The following RCAN2 variants were observed in gnomAD, a reference collection of about 807,000 sequenced individuals.
The protein encoded by RCAN2 is calcipressin-2.
Under a neutral mutation model 23.6 loss-of-function variants are expected in RCAN2, and 9 were observed. That is an observed-to-expected ratio of 0.38 (90% confidence interval 0.23 to 0.67). The LOEUF is 0.67. RCAN2 is among the 30% of genes least tolerant of loss of function. RCAN2 has a pLI of 0.51. For missense variants in RCAN2, 273 were observed against 302.3 expected, an observed-to-expected ratio of 0.90 and a Z score of 0.72; for synonymous variants, 109 against 115.7, an observed-to-expected ratio of 0.94 and a Z score of 0.37.
At chr6:46,291,733 G>C (rs1166723000) in intron 2 of RCAN2, among the ~76,000 whole-genome samples, 1 of 151,594 alleles carries the variant, frequency 6.6e-6, no homozygotes, top group Non-Finnish European at 1.5e-5. Context: ...GCCTAACTTG[G>C]CTAGGACTTC....
chr6:46,338,873 G>A (rs987983672), intron 2 of RCAN2, among the ~76,000 whole-genome samples: 1 of 151,814 alleles, frequency 6.6e-6, no homozygotes, highest in African/African-American at 2.4e-5. Flanking sequence ...AAAATAGCCG[G>A]GTATGGTGAT....
At chr6:46,475,994 G>C (rs902788699) in intron 1 of RCAN2, among the ~76,000 whole-genome samples, 2 of 152,172 alleles carry the variant, frequency 1.3e-5, no homozygotes, top group African/African-American at 4.8e-5. Flanking sequence ...CATGTAGGTG[G>C]ACTAAGTAAC....
intron 4 of RCAN2, among the ~76,000 whole-genome samples, chr6:46,230,730 G>A (rs1343735710): frequency 1.3e-5 from 2 of 152,218 alleles, no homozygotes; most frequent in Non-Finnish European, 2.9e-5. Flanking sequence ...CTTCCTGGGT[G>A]AGGTGATGCC....
At chr6:46,383,506 A>T (rs1358912535) in intron 2 of RCAN2, among the ~76,000 whole-genome samples, 1 of 152,194 alleles carries the variant, frequency 6.6e-6, no homozygotes, top group East Asian at 1.9e-4. Flanking sequence ...AATTCTAGTC[A>T]TCTGGATAGT....
At chr6:46,411,101 C>A (rs1241199807) in intron 2 of RCAN2, among the ~76,000 whole-genome samples, 1 of 152,022 alleles carries the variant, frequency 6.6e-6, no homozygotes, top group Non-Finnish European at 1.5e-5. Flanking sequence ...ATAGAATAGC[C>A]GATAGCATAT....
In RCAN2 at chr6:46,304,754, G is replaced by A. The variant is rs994669209; in HGVS notation, c.226-55858C>T. 2.6e-5 allele frequency among the ~76,000 whole-genome samples: 4 copies of A among 152,116 alleles called. No individual in the cohort carries two copies. The East Asian group carries it at 7.8e-4, about 29-fold the overall frequency. ...AAGGACTTACAATTGGGGTAGGCAG[G>A]GGAATTTTTTCTTGAGACAAAATAA... is the stretch of plus-strand genomic sequence containing the variant. On this transcript the variant is annotated intron_variant, in intron 2 of 4. Coordinates refer to ENST00000371374, the MANE Select transcript of RCAN2 (RefSeq NM_001251974.2).
intron 2 of RCAN2, among the ~76,000 whole-genome samples, chr6:46,273,451 C>G (rs1767582522): frequency 6.6e-6 from 1 of 152,170 alleles, no homozygotes; most frequent in Non-Finnish European, 1.5e-5. Flanking sequence ...CATTGATGTT[C>G]ATAACCCTCT....
intron 2 of RCAN2, among the ~76,000 whole-genome samples, chr6:46,277,593 T>A (rs1767758087): frequency 6.6e-6 from 1 of 151,632 alleles, no homozygotes. Flanking sequence ...TTAAAACTTT[T>A]TTTTTTTATA....
At chr6:46,451,339 C>A (rs1212615750) in intron 2 of RCAN2, among the ~76,000 whole-genome samples, 2 of 152,036 alleles carry the variant, frequency 1.3e-5, no homozygotes, top group Non-Finnish European at 2.9e-5. Flanking sequence ...CGGGGGCAGC[C>A]CCTAGTAATT....
intron 2 of RCAN2, among the ~76,000 whole-genome samples, chr6:46,264,657 A>G (rs1767259131): frequency 6.6e-6 from 1 of 152,232 alleles, no homozygotes; most frequent in African/African-American, 2.4e-5. Context: ...GACCTGAAGG[A>G]AAGCATTTCC....
intron 2 of RCAN2, among the ~76,000 whole-genome samples, chr6:46,445,735 T>C (rs957162187): frequency 5.3e-5 from 8 of 152,090 alleles, no homozygotes; most frequent in Admixed American, 2.6e-4. Flanking sequence ...GTTGAATTAT[T>C]AAAAAAATTC....
chr6:46,359,794 G>T lies in RCAN2; in HGVS notation c.225+96958C>A, dbSNP rs1051211999. ...CTATCAATGAATATATCCTGTTTGT[G>T]TGATCATATCTCGTTTAATTTTCAC... On this transcript the variant is annotated intron_variant, in intron 2 of 4. Coordinates refer to ENST00000371374, the MANE Select transcript of RCAN2 (RefSeq NM_001251974.2). Among the ~76,000 whole-genome samples, 145 of 152,112 alleles carry T rather than the reference G, an allele frequency of 9.5e-4. 2 individuals carry two copies. Among genetic ancestry groups the T allele is most frequent in the Admixed American group, 8.3e-3 (127 of 15,262 alleles).
chr6:46,404,591 A>C (rs535247803), intron 2 of RCAN2, among the ~76,000 whole-genome samples: 37 of 152,372 alleles, frequency 2.4e-4, no homozygotes, highest in Admixed American at 5.9e-4. Flanking sequence ...TATATCTTTA[A>C]TATAGCCTAG....
At chr6:46,269,289 AC>A (rs1767444673) in intron 2 of RCAN2, among the ~76,000 whole-genome samples, 1 of 152,058 alleles carries the variant, frequency 6.6e-6, no homozygotes, top group South Asian at 2.1e-4. Flanking sequence ...CAGATCATTA[AC>A]TTATTCTTCA....
chr6:46,308,038 G>A (rs937061857), intron 2 of RCAN2, among the ~76,000 whole-genome samples: 3 of 152,164 alleles, frequency 2.0e-5, no homozygotes, highest in African/African-American at 7.2e-5. Context: ...AGGCATCAGG[G>A]CAAAGATGCT....
intron 4 of RCAN2, among the ~76,000 whole-genome samples, chr6:46,237,337 T>A (rs1766137695): frequency 6.6e-6 from 1 of 152,214 alleles, no homozygotes; most frequent in African/African-American, 2.4e-5. Context: ...AGACTATAAA[T>A]TATAAACTGA....
At chr6:46,486,717 C>A (rs1232682299) in intron 1 of RCAN2, among the ~76,000 whole-genome samples, 1 of 152,112 alleles carries the variant, frequency 6.6e-6, no homozygotes, top group African/African-American at 2.4e-5. Context: ...AAAATTTTAT[C>A]CCTTGTCTTG....
intron 2 of RCAN2, among the ~76,000 whole-genome samples, chr6:46,341,572 G>A (rs887249600): frequency 6.6e-6 from 1 of 152,160 alleles, no homozygotes; most frequent in African/African-American, 2.4e-5. Flanking sequence ...CCTGAGGTGG[G>A]TGGATCATGA....
intron 2 of RCAN2, among the ~76,000 whole-genome samples, chr6:46,451,490 G>A (rs1767882285): frequency 6.6e-6 from 1 of 152,148 alleles, no homozygotes; most frequent in African/African-American, 2.4e-5. Flanking sequence ...CAGATGTTCA[G>A]ATTTTAGTAC....
Sources: gnomAD v4.1 joint callset for allele counts (sites outside exome capture counted in the v4.1 genomes callset) on GRCh38, gnomAD v4.1.1 for gene constraint, MANE v1.5 for transcripts, NCBI Gene and HGNC (gene_info 2026-07-23, HGNC 2026-07-21) for gene names.